Variants in CNTNAP2 observed in about 807,000 individuals in gnomAD.
CNTNAP2 encodes contactin associated protein 2, also known as contactin-associated protein-like 2.
A neutral mutation model predicts 155.2 loss-of-function variants in CNTNAP2; 98 were observed. The ratio of observed to expected loss-of-function variants is 0.63; its 90% CI spans 0.54 to 0.75. The LOEUF is 0.75. Among genes scored for constraint, CNTNAP2 ranks in the 30% least tolerant of loss-of-function variants. The probability of loss-of-function intolerance (pLI) is 0.00; values close to 1 mark genes in which losing one functional copy is unlikely to be tolerated. For missense variants in CNTNAP2, 1,727 were observed against 1,688.1 expected, an observed-to-expected ratio of 1.02 and a Z score of -0.40; for synonymous variants, 651 against 631.2, an observed-to-expected ratio of 1.03 and a Z score of -0.47.
chr7:147,859,225 G>C (rs926004254), intron 13 of CNTNAP2, among the ~76,000 whole-genome samples: 1 of 151,904 alleles, frequency 6.6e-6, no homozygotes, highest in South Asian at 2.1e-4. Context: ...GTTAGGGATC[G>C]ACAGCATCTC....
chr7:148,344,721 G>A (rs1255519049), intron 21 of CNTNAP2, among the ~76,000 whole-genome samples: 2 of 152,196 alleles, frequency 1.3e-5, no homozygotes, highest in East Asian at 3.8e-4. Flanking sequence ...TGGTAAATAA[G>A]GGGATCAAAA....
intron 13 of CNTNAP2, among the ~76,000 whole-genome samples, chr7:147,853,089 A>G (rs867875292): frequency 1.1e-4 from 17 of 152,010 alleles, no homozygotes; most frequent in African/African-American, 4.1e-4. Flanking sequence ...AGGCTGTGCT[A>G]CTCCCACCTT....
chr7:147,151,441 G>A (rs927614982), intron 8 of CNTNAP2, among the ~76,000 whole-genome samples: 2 of 151,958 alleles, frequency 1.3e-5, no homozygotes, highest in Admixed American at 6.6e-5. Context: ...GCAAACTATT[G>A]AATAAAACAA....
At chr7:147,740,434 C>T (rs1796937989) in intron 13 of CNTNAP2, among the ~76,000 whole-genome samples, 1 of 152,076 alleles carries the variant, frequency 6.6e-6, no homozygotes, top group African/African-American at 2.4e-5. Context: ...CTGACACTGC[C>T]CAACAAACCC....
chr7:148,078,637 T>A (rs1457699698), intron 15 of CNTNAP2, among the ~76,000 whole-genome samples: 2 of 152,104 alleles, frequency 1.3e-5, no homozygotes, highest in Non-Finnish European at 2.9e-5. Context: ...CCCACCACCA[T>A]GCCCAGCTAA....
intron 1 of CNTNAP2, among the ~76,000 whole-genome samples, chr7:146,411,618 A>G (rs923416151): frequency 2.0e-5 from 3 of 152,112 alleles, no homozygotes; most frequent in African/African-American, 7.2e-5. Flanking sequence ...TTTATCAGGC[A>G]TTTAAAAATT....
At chr7:148,266,895 T>G in intron 20 of CNTNAP2, 138 bp from the exon 21 acceptor site, 1 of 793,428 alleles carries the variant, frequency 1.3e-6, no homozygotes, top group Admixed American at 2.0e-5. Context: ...CTCGGGGTGG[T>G]GTTTTAGAGT....
At chr7:146,755,606 G>C (rs1801982266) in intron 1 of CNTNAP2, among the ~76,000 whole-genome samples, 5 of 151,964 alleles carry the variant, frequency 3.3e-5, no homozygotes, top group Non-Finnish European at 4.4e-5. Context: ...GTATCAGTGT[G>C]CATATTCTTA....
chr7:146,235,961 TG>T (rs923229862), intron 1 of CNTNAP2, among the ~76,000 whole-genome samples: 1 of 151,094 alleles, frequency 6.6e-6, no homozygotes, highest in Admixed American at 6.6e-5. Flanking sequence ...AATGTGTGTG[TG>T]TGTGTGTGTG....
chr7:147,043,477 C>T (rs1397378081), intron 3 of CNTNAP2, among the ~76,000 whole-genome samples: 2 of 152,158 alleles, frequency 1.3e-5, no homozygotes, highest in Admixed American at 1.3e-4. Flanking sequence ...TTCTTCTTCT[C>T]TCACTAATGT....
In CNTNAP2 at chr7:148,420,775, A is replaced by G. The variant is rs1006823470; in HGVS notation, c.*5159A>G. 3.9e-5 allele frequency: 6 copies of G among 152,612 alleles called. No individual in the cohort carries two copies. The highest frequency in any genetic ancestry group is 3.9e-4 in the Admixed American group (6 of 15,264). 9.5% of individuals were successfully genotyped at this position (152,612 alleles called of 1,614,324 possible). ...GACTGCAGAGGTTAGTGCTGTGAAA[A>G]GCTGGGCTAAATATTCTTTCTGTAA... On this transcript the variant is annotated 3_prime_UTR_variant, in exon 24 of 24. Coordinates refer to ENST00000361727, the MANE Select transcript of CNTNAP2 (RefSeq NM_014141.6).
At chr7:148,215,780 C>T (rs1255903745) in intron 18 of CNTNAP2, among the ~76,000 whole-genome samples, 2 of 152,134 alleles carry the variant, frequency 1.3e-5, no homozygotes, top group Admixed American at 6.5e-5. Flanking sequence ...AGTTTCAAGA[C>T]ATTGACCCAA....
chr7:146,922,091 C>T (rs1372261416), intron 3 of CNTNAP2, among the ~76,000 whole-genome samples: 1 of 151,966 alleles, frequency 6.6e-6, no homozygotes, highest in Non-Finnish European at 1.5e-5. Context: ...AGTAATAATG[C>T]CAGTAGTCTG....
intron 9 of CNTNAP2, among the ~76,000 whole-genome samples, chr7:147,360,803 C>A (rs1443315777): frequency 6.6e-6 from 1 of 152,090 alleles, no homozygotes; most frequent in African/African-American, 2.4e-5. Context: ...TCCAACTCCC[C>A]ATCCCTAAAT....
chr7:146,970,561 A>G (rs1208758241), intron 3 of CNTNAP2, among the ~76,000 whole-genome samples: 1 of 152,184 alleles, frequency 6.6e-6, no homozygotes, highest in East Asian at 1.9e-4. Flanking sequence ...TCAGGAAACA[A>G]CAGGTGCTGG....
chr7:147,254,485 T>A (rs980478745), intron 8 of CNTNAP2, among the ~76,000 whole-genome samples: 4 of 152,192 alleles, frequency 2.6e-5, no homozygotes, highest in African/African-American at 9.7e-5. Flanking sequence ...GATTCCCTTG[T>A]GTTAACTTTA....
At chr7:146,906,720 C>T (rs897969384) in intron 3 of CNTNAP2, among the ~76,000 whole-genome samples, 10 of 152,148 alleles carry the variant, frequency 6.6e-5, no homozygotes, top group African/African-American at 2.4e-4. Flanking sequence ...AACAGAAAAA[C>T]TGGAAACTCT....
intron 14 of CNTNAP2, among the ~76,000 whole-genome samples, chr7:147,934,436 A>C (rs149903227): frequency 0.019 from 2,947 of 152,284 alleles, 100 homozygotes; most frequent in African/African-American, 0.067. Context: ...CATTAGACTT[A>C]TTCACTATCA....
chr7:146,901,132 C>T (rs970046872), intron 3 of CNTNAP2, among the ~76,000 whole-genome samples: 3 of 151,794 alleles, frequency 2.0e-5, no homozygotes, highest in African/African-American at 4.8e-5. Flanking sequence ...TAAACTTAGG[C>T]TAAAAAACAG....
Sources: gnomAD v4.1 joint callset for allele counts (sites outside exome capture counted in the v4.1 genomes callset) on GRCh38, gnomAD v4.1.1 for gene constraint, MANE v1.5 for transcripts, NCBI Gene and HGNC (gene_info 2026-07-23, HGNC 2026-07-21) for gene names.